RIMS2: variants seen among roughly 807,000 people sequenced by gnomAD.
The protein encoded by RIMS2 is regulating synaptic membrane exocytosis 2, also known as regulating synaptic membrane exocytosis protein 2.
Under a neutral mutation model 174.4 loss-of-function variants are expected in RIMS2, and 59 were observed. That is an observed-to-expected ratio of 0.34 (90% confidence interval 0.27 to 0.42). RIMS2 has a LOEUF of 0.42. Among genes scored for constraint, RIMS2 ranks in the 10% least tolerant of loss-of-function variants. The pLI, the probability that RIMS2 is intolerant of heterozygous loss-of-function variation, is 1.00. For missense variants in RIMS2, 1,620 were observed against 1,666.3 expected (o/e 0.97, Z 0.48); for synonymous variants, 606 against 572.5 (o/e 1.06, Z -0.84).
At chr8:103,807,680 A>C (rs1173947537) in intron 3 of RIMS2, among the ~76,000 whole-genome samples, 1 of 152,172 alleles carries the variant, frequency 6.6e-6, no homozygotes, top group Non-Finnish European at 1.5e-5. Context: ...TCTAAAATAG[A>C]CTAAAGAGTA....
At chr8:104,041,443 A>G in intron 19 of RIMS2, 85 bp downstream of exon 22, 1 of 620,664 alleles carries the variant, frequency 1.6e-6, no homozygotes, top group East Asian at 2.8e-5. Context: ...CTCATTTCAT[A>G]GTTTTTCATT....
chr8:104,092,590 ATAT>A (rs1054771269), intron 19 of RIMS2, among the ~76,000 whole-genome samples: 1 of 151,756 alleles, frequency 6.6e-6, no homozygotes, highest in African/African-American at 2.4e-5. Context: ...GCAAAAAAAG[ATAT>A]TATTATCCAT....
chr8:103,733,731 G>A (rs1369488932), intron 2 of RIMS2, among the ~76,000 whole-genome samples: 1 of 152,086 alleles, frequency 6.6e-6, no homozygotes, highest in South Asian at 2.1e-4. Context: ...CATAATCACT[G>A]TTCTCTCCCT....
chr8:103,758,218 A>G (rs1165828865), intron 2 of RIMS2, among the ~76,000 whole-genome samples: 1 of 151,974 alleles, frequency 6.6e-6, no homozygotes, highest in Admixed American at 6.6e-5. Flanking sequence ...CTTCTTCCTT[A>G]TTAATAATTT....
chr8:103,862,368 A>G (rs1029022101), intron 3 of RIMS2, among the ~76,000 whole-genome samples: 39 of 151,676 alleles, frequency 2.6e-4, no homozygotes, highest in African/African-American at 9.0e-4. Context: ...CTGCTCTTTT[A>G]TTTACCCTAT....
rs1841719119 is a variant in RIMS2, at chr8:103,539,885, G to A, written c.176+38823G>A. On this transcript the variant is annotated intron_variant, in intron 1 of 23. Coordinates refer to ENST00000504942, the Ensembl canonical transcript of RIMS2. ...GACATTGGAGCCATTGCCATAGTGA[G>A]TTAATTTGCATACTGGGCCTTGGAG... Among the ~76,000 whole-genome samples, 4 of 152,236 alleles carry A rather than the reference G, an allele frequency of 2.6e-5. No individual in the cohort carries two copies. In the South Asian group the frequency reaches 8.3e-4, roughly 31 times the overall value.
chr8:103,858,705 A>C (rs1388177074), intron 3 of RIMS2, among the ~76,000 whole-genome samples: 3 of 147,270 alleles, frequency 2.0e-5, no homozygotes, highest in African/African-American at 7.6e-5. Flanking sequence ...ACGTGTATAT[A>C]TATATACACA....
At chr8:103,630,973 T>G (rs1050180316) in intron 1 of RIMS2, among the ~76,000 whole-genome samples, 4 of 152,206 alleles carry the variant, frequency 2.6e-5, no homozygotes, top group African/African-American at 9.6e-5. Context: ...GCTTGCCTGT[T>G]TTTCTCTTGT....
At chr8:104,096,466 A>C (rs531784818) in intron 19 of RIMS2, among the ~76,000 whole-genome samples, 1 of 152,348 alleles carries the variant, frequency 6.6e-6, no homozygotes, top group Non-Finnish European at 1.5e-5. Context: ...ACTTAGCTTA[A>C]GTAACTGTGT....
chr8:103,620,587 G>A (rs1382161716), intron 1 of RIMS2, among the ~76,000 whole-genome samples: 1 of 152,132 alleles, frequency 6.6e-6, no homozygotes, highest in African/African-American at 2.4e-5. Flanking sequence ...TTAATTTTGT[G>A]TAAGATAGCT....
chr8:103,942,781 T>G, exon 14 of RIMS2: 1 of 1,610,646 alleles, frequency 6.2e-7, no homozygotes, highest in Non-Finnish European at 8.5e-7. Flanking sequence ...AGATTTTAAT[T>G]GAATTAGAAA....
At chr8:104,210,582 T>G (rs922695577) in intron 19 of RIMS2, among the ~76,000 whole-genome samples, 1 of 152,184 alleles carries the variant, frequency 6.6e-6, no homozygotes, top group African/African-American at 2.4e-5. Flanking sequence ...CATATCTCTC[T>G]TTTTTAAAAT....
At chr8:104,082,283 C>G (rs993489496) in intron 19 of RIMS2, among the ~76,000 whole-genome samples, 1 of 151,988 alleles carries the variant, frequency 6.6e-6, no homozygotes, top group Non-Finnish European at 1.5e-5. Flanking sequence ...GCTAGCATAT[C>G]CTTTCAATCC....
At chr8:104,126,572 T>C (rs960411283) in intron 19 of RIMS2, among the ~76,000 whole-genome samples, 8 of 152,190 alleles carry the variant, frequency 5.3e-5, no homozygotes, top group Non-Finnish European at 1.0e-4. Flanking sequence ...CCTTCCCAAA[T>C]ATTCAGTTTC....
chr8:103,878,733 G>A (rs2099153717), intron 3 of RIMS2, among the ~76,000 whole-genome samples: 2 of 150,048 alleles, frequency 1.3e-5, no homozygotes, highest in African/African-American at 4.9e-5. Context: ...TTTTATTGCT[G>A]ATTCAATCTC....
At chr8:103,640,237 G>C (rs529712772) in intron 1 of RIMS2, among the ~76,000 whole-genome samples, 2 of 151,858 alleles carry the variant, frequency 1.3e-5, no homozygotes, top group East Asian at 3.9e-4. Context: ...GTGATGGACT[G>C]TCTTTCATTT....
intron 17 of RIMS2, among the ~76,000 whole-genome samples, chr8:104,008,166 A>G (rs1348834773): frequency 6.6e-6 from 1 of 152,144 alleles, no homozygotes; most frequent in Non-Finnish European, 1.5e-5. Flanking sequence ...GGGAAGTGAT[A>G]AAGTAGGGCC....
At chr8:103,686,629 A>G (rs2096943239) in intron 1 of RIMS2, among the ~76,000 whole-genome samples, 1 of 152,306 alleles carries the variant, frequency 6.6e-6, no homozygotes, top group Non-Finnish European at 1.5e-5. Flanking sequence ...CATTCCTAAG[A>G]TAAACATCAC....
At chr8:104,031,362 TAA>T (rs1436940591) in intron 19 of RIMS2, among the ~76,000 whole-genome samples, 2 of 152,192 alleles carry the variant, frequency 1.3e-5, no homozygotes, top group East Asian at 3.9e-4. Flanking sequence ...TTATTTAACA[TAA>T]ACTAAGAAAA....
Sources: allele counts gnomAD v4.1 joint callset (sites outside exome capture counted in the v4.1 genomes callset), GRCh38; gene constraint gnomAD v4.1.1; transcripts MANE v1.5; gene names NCBI Gene and HGNC (gene_info 2026-07-23, HGNC 2026-07-21).